The following MAN2B1 variants were observed in gnomAD, a reference collection of about 807,000 sequenced individuals.
MAN2B1 encodes mannosidase alpha class 2B member 1.
MAN2B1 carries 99 observed loss-of-function variants against 127.5 expected under a neutral mutation model. The ratio of observed to expected loss-of-function variants is 0.78; its 90% CI spans 0.66 to 0.92. The LOEUF is 0.92. Among genes scored for constraint, MAN2B1 ranks in the 40% least tolerant of loss-of-function variants. MAN2B1 has a pLI of 0.00. For missense variants in MAN2B1, 1,304 were observed against 1,384.8 expected, an observed-to-expected ratio of 0.94 and a Z score of 0.93; for synonymous variants, 573 against 568.8, an observed-to-expected ratio of 1.01 and a Z score of -0.11.
At position 12,658,352 on chromosome 19, in the gene MAN2B1, G is replaced by C; in HGVS notation, c.1110-8C>G. 3.1e-6 allele frequency: 5 copies of C among 1,614,206 alleles called. No homozygotes were observed. The highest frequency in any genetic ancestry group is 3.4e-6 in the Non-Finnish European group (4 of 1,180,044). On this transcript the variant is annotated splice_region_variant and splice_polypyrimidine_tract_variant and intron_variant, in intron 8 of 23. Coordinates refer to ENST00000456935, the MANE Select transcript of MAN2B1 (RefSeq NM_000528.4). ...TCGTCATGTTTCACTGACCTACAGC[G>C]GCAGGGGCATTGAGGGCAGGGTCAT...
Position 12,666,518 on chromosome 19 carries a change from G to GT in MAN2B1, c.159+24dup, listed in dbSNP as rs1227164728. On this transcript the variant is annotated intron_variant, in intron 1 of 23. Transcript: ENST00000456935. ...CTGGGTTTCACTCTGCCTCCTGTAC[G>GT]TTTCAGCTCGGAGGCCCCACTCACC... is the stretch of plus-strand genomic sequence containing the variant. 8 of 1,567,744 alleles carry GT rather than the reference G, an allele frequency of 5.1e-6. No individual in the cohort carries two copies. The African/African-American group carries it at 1.1e-4, about 21-fold the overall frequency.
In MAN2B1 at chr19:12,651,959, T is replaced by C. The variant is rs73002389; in HGVS notation, c.2046+194A>G. ...GATGTGTCCTATGGGGAGACTCTCA[T>C]ACGACCAGCTATGAATATCAATTCT... On this transcript the variant is annotated intron_variant, in intron 16 of 23. Coordinates refer to ENST00000456935, the MANE Select transcript of MAN2B1 (RefSeq NM_000528.4). 0.045 allele frequency among the ~76,000 whole-genome samples: 6,833 copies of C among 152,312 alleles called. 197 individuals are homozygous for C. Among genetic ancestry groups the C allele is most frequent in the Non-Finnish European group, 0.067 (4,529 of 68,038 alleles).
In MAN2B1 at chr19:12,647,235, G is replaced by A. The variant is rs1568296960; in HGVS notation, c.2921C>T (p.Thr974Ile). The change falls in exon 23 of 24, where the codon ACA (threonine) becomes ATA (isoleucine). Residue 974 changes from threonine to isoleucine, a missense_variant and splice_region_variant. Thr to Ile is a moderately conservative substitution (Grantham distance 89, BLOSUM62 -1). Transcript: ENST00000456935. The surrounding 1 kb of genome is among the most constrained non-coding windows in gnomAD (Gnocchi z 4.9). ...CCTACCCCTGACCAGGGCCCCACCT[G>A]TGTTTGTTGTCCACTTGAGCCTGGA... The part of the protein sequence containing the change: ...AASRLKWTTN[T>I]GPTPHQTPYQ... The A allele has an allele frequency of 2.5e-6, 4 of 1,613,252 alleles. No individual in the cohort carries two copies. The highest frequency in any genetic ancestry group is 3.4e-6 in the Non-Finnish European group (4 of 1,179,396).
Position 12,663,786 on chromosome 19 carries a change from C to T in MAN2B1, c.680G>A (p.Trp227Ter), listed in dbSNP as rs766604574. 6.2e-7 allele frequency: 1 copy of T among 1,614,208 alleles called. No individual in the cohort carries two copies. Among genetic ancestry groups the T allele is most frequent in the East Asian group, 2.2e-5 (1 of 44,892 alleles). Residue 227 changes from tryptophan to a stop codon, truncating the protein, a stop_gained, in exon 5 of 24, where the codon TGG becomes TAG. Transcript: ENST00000456935. LOFTEE classifies it high-confidence loss of function. ...FFGRLDYQDK[W>*]VRMQKLEMEQ... ...CATCTCCAGCTTCTGCATCCGTACC[C>T]ACTTATCTTGATAATCAAGGCGCCC...
chr19:12,652,022 G>A, intron 16 of MAN2B1, 131 bp downstream of exon 16: 2 of 772,274 alleles, frequency 2.6e-6, no homozygotes, highest in South Asian at 2.7e-5. Context: ...GCTGATCTGT[G>A]GGTCTTAGCC....
Position 12,652,530 on chromosome 19 carries a change from TTTTTTC to T in MAN2B1, c.1831-76_1831-71del, listed in dbSNP as rs2023863964. The T allele has an allele frequency of 5.1e-6, 5 of 980,042 alleles. No homozygotes were observed. In the Admixed American group the frequency reaches 7.1e-5, roughly 14 times the overall value. 60.7% of individuals were successfully genotyped at this position (980,042 alleles called of 1,614,324 possible). On this transcript the variant is annotated intron_variant, in intron 14 of 23. Coordinates refer to ENST00000456935, the MANE Select transcript of MAN2B1 (RefSeq NM_000528.4). ...GTGTGTTTTCTTTTTTTAATTTTTC[TTTTTTC>T]TTTTTTTTTTTTTGAGACTGAGTCT...
In MAN2B1 at chr19:12,647,554, G is replaced by C. The variant is rs1408818453; in HGVS notation, c.2709C>G (p.Leu903=). Residue 903 remains leucine (L), a synonymous_variant, in exon 22 of 24, where the codon CTC becomes CTG. Coordinates refer to ENST00000456935, the MANE Select transcript of MAN2B1 (RefSeq NM_000528.4). The surrounding 1 kb of genome is among the most constrained non-coding windows in gnomAD (Gnocchi z 4.9). ...RRDLPPSVHL[L]TLASWGPEMV... is the part of the protein sequence containing the mutation. ...TTTCGGGGCCCCAGCTGGCCAGCGT[G>C]AGCAGGTGCACCGAGGGCGGCAGGT... 1 of 1,614,180 alleles carries C rather than the reference G, an allele frequency of 6.2e-7. No homozygotes were observed. The highest frequency in any genetic ancestry group is 1.3e-5 in the African/African-American group (1 of 75,060).
intron 14 of MAN2B1, among the ~76,000 whole-genome samples, chr19:12,653,695 C>T (rs1206618244): frequency 1.3e-5 from 2 of 152,042 alleles, no homozygotes; most frequent in Non-Finnish European, 2.9e-5. Flanking sequence ...AGCAGTCCAC[C>T]ACACCCAGCC....
chr19:12,661,085 G>C (rs2024091218), intron 7 of MAN2B1, 175 bp downstream of exon 7: 1 of 605,794 alleles, frequency 1.7e-6, no homozygotes, highest in African/African-American at 1.8e-5. Flanking sequence ...CTACAGAACT[G>C]TAAGACAATG....
Position 12,661,270 on chromosome 19 carries a change from A to G in MAN2B1, c.1016T>C (p.Val339Ala), listed in dbSNP as rs1168137854. Residue 339 changes from valine to alanine, a missense_variant, in exon 7 of 24, where the codon GTA becomes GCA. Val to Ala is a moderately conservative substitution (Grantham distance 64). Coordinates refer to ENST00000456935, the MANE Select transcript of MAN2B1 (RefSeq NM_000528.4). ...FKNLDKLIRLVNAQQAKGSSV... is the reference protein window; with the variant it reads ...FKNLDKLIRLANAQQAKGSSV... ...GGTAGGCGCACTGACCTGCGCATTT[A>G]CCAGCCGGATGAGCTTGTCAAGGTT... 1.2e-6 allele frequency: 2 copies of G among 1,612,884 alleles called. No homozygotes were observed. Among genetic ancestry groups the G allele is most frequent in the East Asian group, 2.2e-5 (1 of 44,862 alleles).
In MAN2B1 at chr19:12,647,473, G is replaced by A; in HGVS notation, c.2790C>T (p.Asn930=). 1 of 1,614,254 alleles carries A rather than the reference G, an allele frequency of 6.2e-7. No homozygotes were observed. Among genetic ancestry groups the A allele is most frequent in the Non-Finnish European group, 8.5e-7 (1 of 1,180,046 alleles). Reference sequence around the variant, plus strand: ...AGTTCAAGGTAACGGGGGCGCTCAGGTTACGTCCGGAATCCTCTCCTACGG... The same window carrying A: ...AGTTCAAGGTAACGGGGGCGCTCAGATTACGTCCGGAATCCTCTCCTACGG... The part of the protein sequence containing the change: ...QFAVGEDSGR[N]LSAPVTLNLR... Residue 930 remains asparagine, a synonymous_variant, in exon 22 of 24, where the codon AAC becomes AAT. Coordinates refer to ENST00000456935, the MANE Select transcript of MAN2B1 (RefSeq NM_000528.4). The surrounding 1 kb of genome is among the most constrained non-coding windows in gnomAD (Gnocchi z 4.9).
intron 16 of MAN2B1, among the ~76,000 whole-genome samples, chr19:12,650,617 C>T (rs2023822709): frequency 6.6e-6 from 1 of 151,826 alleles, no homozygotes; most frequent in Non-Finnish European, 1.5e-5. Context: ...CTCGGCCTCC[C>T]AAAGTGCTGG....
intron 6 of MAN2B1, among the ~76,000 whole-genome samples, chr19:12,662,654 A>C (rs117680228): frequency 0.02 from 3,048 of 151,244 alleles, 69 homozygotes; most frequent in East Asian, 0.1. Flanking sequence ...CTCAATAAAA[A>C]TGTTAAAAAT....
intron 18 of MAN2B1, 59 bp downstream of exon 18, chr19:12,649,854 C>CCCCCCTGG: frequency 1.5e-5 from 21 of 1,361,612 alleles, no homozygotes; most frequent in Admixed American, 6.7e-5. Context: ...TTTCCCTCAC[C>CCCCCCTGG]ACCCCTGGGC....
chr19:12,657,017 T>C lies in MAN2B1; in HGVS notation c.1459A>G (p.Lys487Glu). The C allele has an allele frequency of 6.2e-7, 1 of 1,613,384 alleles. No homozygotes were observed. Among genetic ancestry groups the C allele is most frequent in the Non-Finnish European group, 8.5e-7 (1 of 1,179,948 alleles). Residue 487 changes from lysine to glutamate, a missense_variant, in exon 12 of 24, where the codon AAA (lysine) becomes GAA (glutamate). Lys to Glu is a moderately conservative substitution (Grantham distance 56). Transcript: ENST00000456935. ...SNALARLRGF[K>E]DHFTFCQQLN... is the part of the protein sequence containing the mutation. ...TGTTGGCAAAAGGTGAAGTGATCTT[T>C]GAAGCCTCTGAGCCGCGCCAGCGCG...
chr19:12,662,609 G>A (rs931120141), intron 6 of MAN2B1, among the ~76,000 whole-genome samples: 5 of 151,764 alleles, frequency 3.3e-5, no homozygotes, highest in African/African-American at 9.7e-5. Flanking sequence ...CAGCCTGGGC[G>A]ACAGAGTGAG....
chr19:12,648,723 G>A (rs535754283), intron 20 of MAN2B1, among the ~76,000 whole-genome samples: 1 of 152,198 alleles, frequency 6.6e-6, no homozygotes, highest in East Asian at 1.9e-4. Context: ...GGCCGGGAGC[G>A]GTGGTTCACG....
chr19:12,663,254 A>C, intron 6 of MAN2B1, 63 bp downstream of exon 6: 29 of 1,556,870 alleles, frequency 1.9e-5, no homozygotes, highest in Non-Finnish European at 2.4e-5. Flanking sequence ...GGATGCCTGT[A>C]CCATGGAAAG....
chr19:12,649,119 G>A lies in MAN2B1; in HGVS notation c.2436+17C>T, dbSNP rs148420017. On this transcript the variant is annotated intron_variant, in intron 20 of 23. Transcript: ENST00000456935. ...GTTGGGAGGACCCTGGCTCGGATGG[G>A]GCTCTGACCCACTCACCATGAGCTC... is the stretch of plus-strand genomic sequence containing the variant. 0.015 allele frequency: 23,839 copies of A among 1,609,568 alleles called. 223 individuals carry two copies. Among genetic ancestry groups the A allele is most frequent in the Non-Finnish European group, 0.018 (21,502 of 1,177,848 alleles).
Sources: allele counts gnomAD v4.1 joint callset (sites outside exome capture counted in the v4.1 genomes callset), GRCh38; gene constraint gnomAD v4.1.1; non-coding constraint Gnocchi (gnomAD v3.1); transcripts MANE v1.5; gene names NCBI Gene and HGNC (gene_info 2026-07-23, HGNC 2026-07-21).